The following NRG1 variants were observed in gnomAD, a reference collection of about 807,000 sequenced individuals.
The protein encoded by NRG1 is pro-neuregulin-1, membrane-bound isoform.
In NRG1, 18 loss-of-function variants were observed where a neutral mutation model predicts 63.8. The observed-to-expected ratio is 0.28, with a 90% CI of 0.19 to 0.42. The LOEUF (loss-of-function observed/expected upper bound fraction) is 0.42. Among genes scored for constraint, NRG1 ranks in the 10% least tolerant of loss-of-function variants. The pLI, the probability that NRG1 is intolerant of heterozygous loss-of-function variation, is 1.00. For synonymous variants in NRG1, 302 were observed against 301.3 expected, an observed-to-expected ratio of 1.00 and a Z score of -0.02; for missense variants, 762 against 814.7, an observed-to-expected ratio of 0.94 and a Z score of 0.79.
At chr8:32,677,239 ACTT>A (rs1003233372) in intron 5 of NRG1, among the ~76,000 whole-genome samples, 14 of 152,336 alleles carry the variant, frequency 9.2e-5, no homozygotes, top group African/African-American at 3.4e-4. Context: ...ATACTGCCTA[ACTT>A]CTTTTCTTCT....
At chr8:32,649,351 T>C (rs1277040232) in intron 5 of NRG1, among the ~76,000 whole-genome samples, 2 of 152,116 alleles carry the variant, frequency 1.3e-5, no homozygotes, top group Non-Finnish European at 2.9e-5. Flanking sequence ...TAAATATCAA[T>C]ATAGAAGGGA....
chr8:32,326,100 C>T (rs1396402151), intron 1 of NRG1, among the ~76,000 whole-genome samples: 1 of 151,682 alleles, frequency 6.6e-6, no homozygotes, highest in African/African-American at 2.4e-5. Context: ...ACCTCCACCT[C>T]CTGGGTTCAA....
At chr8:32,664,339 A>G (rs1185307936) in intron 5 of NRG1, among the ~76,000 whole-genome samples, 1 of 152,066 alleles carries the variant, frequency 6.6e-6, no homozygotes, top group Non-Finnish European at 1.5e-5. Context: ...CTAAGAAGGA[A>G]GAGAATCAGA....
At chr8:32,551,427 A>C (rs1339210558) in intron 1 of NRG1, among the ~76,000 whole-genome samples, 1 of 152,160 alleles carries the variant, frequency 6.6e-6, no homozygotes, top group Non-Finnish European at 1.5e-5. Context: ...GCCTCATGAC[A>C]GTCAGGGGAG....
intron 1 of NRG1, among the ~76,000 whole-genome samples, chr8:32,087,628 G>A (rs755101598): frequency 3.3e-5 from 5 of 151,530 alleles, no homozygotes; most frequent in Non-Finnish European, 7.4e-5. Flanking sequence ...GTGTGCCCAC[G>A]CCCAGCTAAT....
At chr8:32,763,620 G>A (rs1158150557) in intron 11 of NRG1, 128 bp from the exon 12 acceptor site, 3 of 1,142,726 alleles carry the variant, frequency 2.6e-6, no homozygotes, top group Non-Finnish European at 3.7e-6. Flanking sequence ...AAATAATTAA[G>A]CAGCCTACAA....
intron 1 of NRG1, among the ~76,000 whole-genome samples, chr8:31,684,717 C>A (rs990435529): frequency 6.6e-6 from 1 of 151,908 alleles, no homozygotes. Flanking sequence ...TGATCATGTG[C>A]AGGACAGTTT....
At chr8:32,548,973 T>C (rs1295073640) in intron 1 of NRG1, 147 bp downstream of exon 1, 1 of 1,165,368 alleles carries the variant, frequency 8.6e-7, no homozygotes, top group Admixed American at 3.1e-5. Flanking sequence ...AGTCGCGCGG[T>C]GCTTCCCCTC....
At chr8:32,413,819 A>G (rs974486085) in intron 1 of NRG1, among the ~76,000 whole-genome samples, 9 of 152,144 alleles carry the variant, frequency 5.9e-5, no homozygotes, top group African/African-American at 2.2e-4. Flanking sequence ...TAATCAGAAC[A>G]TACACAACTT....
intron 5 of NRG1, among the ~76,000 whole-genome samples, chr8:32,673,849 T>C (rs1429149869): frequency 6.6e-6 from 1 of 152,226 alleles, no homozygotes; most frequent in Non-Finnish European, 1.5e-5. Context: ...CTGAATGCTC[T>C]TGTCCACTGC....
intron 1 of NRG1, among the ~76,000 whole-genome samples, chr8:31,765,606 G>A (rs1367198540): frequency 6.6e-6 from 1 of 152,114 alleles, no homozygotes; most frequent in Non-Finnish European, 1.5e-5. Context: ...AAACTCTTCT[G>A]CACTCTAGCT....
intron 1 of NRG1, among the ~76,000 whole-genome samples, chr8:32,002,699 G>A (rs1275627304): frequency 1.3e-5 from 2 of 151,984 alleles, no homozygotes; most frequent in Non-Finnish European, 2.9e-5. Context: ...TTACTATTGG[G>A]GTGCCCTTGC....
At chr8:32,220,086 G>A (rs944856220) in intron 1 of NRG1, among the ~76,000 whole-genome samples, 2 of 152,106 alleles carry the variant, frequency 1.3e-5, no homozygotes, top group South Asian at 2.1e-4. Context: ...TGGGGAAGGC[G>A]GGGGTGCTCT....
At chr8:32,382,229 GA>G (rs1344240862) in intron 1 of NRG1, among the ~76,000 whole-genome samples, 1 of 152,138 alleles carries the variant, frequency 6.6e-6, no homozygotes, top group Non-Finnish European at 1.5e-5. Context: ...GCAGGTGTCA[GA>G]ATCCAGTTCT....
intron 1 of NRG1, among the ~76,000 whole-genome samples, chr8:31,923,225 T>A (rs1834059461): frequency 6.6e-6 from 1 of 152,232 alleles, no homozygotes. Context: ...AAGTATTGTG[T>A]AATTGTGTCA....
chr8:31,708,443 ATTGT>A (rs1392948279), intron 1 of NRG1, among the ~76,000 whole-genome samples: 24 of 132,134 alleles, frequency 1.8e-4, no homozygotes, highest in African/African-American at 1.6e-4. Flanking sequence ...AATAAACATA[ATTGT>A]TTTTTTTTTT....
intron 1 of NRG1, among the ~76,000 whole-genome samples, chr8:32,560,751 C>A (rs1836235218): frequency 6.6e-6 from 1 of 152,074 alleles, no homozygotes; most frequent in Admixed American, 6.6e-5. Flanking sequence ...TTGCTCAGTC[C>A]ACAATTCTTG....
chr8:32,157,142 G>A (rs892856314), intron 1 of NRG1, among the ~76,000 whole-genome samples: 5 of 151,396 alleles, frequency 3.3e-5, no homozygotes, highest in Non-Finnish European at 5.9e-5. Context: ...AAGCCAAGGC[G>A]GGCGGATCAC....
chr8:32,372,467 A>G (rs1182050407), intron 1 of NRG1, among the ~76,000 whole-genome samples: 1 of 152,130 alleles, frequency 6.6e-6, no homozygotes, highest in Non-Finnish European at 1.5e-5. Flanking sequence ...ACAAAACAAC[A>G]CAGATAGAAG....
Sources: gnomAD v4.1 joint callset for allele counts (sites outside exome capture counted in the v4.1 genomes callset) on GRCh38, gnomAD v4.1.1 for gene constraint, MANE v1.5 for transcripts, NCBI Gene and HGNC (gene_info 2026-07-23, HGNC 2026-07-21) for gene names.